Variants in DMD observed in about 807,000 individuals in gnomAD.
DMD encodes dystrophin.
Under a neutral mutation model 330.1 loss-of-function variants are expected in DMD, and 63 were observed. That is an observed-to-expected ratio of 0.19 (90% confidence interval 0.16 to 0.24). DMD has a LOEUF of 0.24. DMD is among the 10% of genes least tolerant of loss of function. DMD has a pLI of 1.00. For synonymous variants in DMD, 1,223 were observed against 959.8 expected (o/e 1.27, Z -5.07); for missense variants, 3,344 against 2,684.1 (o/e 1.25, Z -5.43).
At chrX:32,916,171 C>T (rs1477759513) in intron 2 of DMD, among the ~76,000 whole-genome samples, 1 of 111,248 alleles carries the variant, frequency 9.0e-6, no homozygotes, top group Non-Finnish European at 1.9e-5. Context: ...GGGAAACTAT[C>T]CATCAGAGTC....
intron 44 of DMD, among the ~76,000 whole-genome samples, chrX:32,012,773 G>C (rs1603620307): frequency 9.0e-6 from 1 of 111,380 alleles, no homozygotes; most frequent in South Asian, 3.8e-4. Flanking sequence ...ATTTTTGAGA[G>C]CAAAAGGAGG....
chrX:31,439,298 T>G (rs1462628904), intron 60 of DMD, among the ~76,000 whole-genome samples: 1 of 111,869 alleles, frequency 8.9e-6, no homozygotes, highest in Non-Finnish European at 1.9e-5. Flanking sequence ...AGTATGTCCT[T>G]GGACCAAACA....
intron 2 of DMD, among the ~76,000 whole-genome samples, chrX:32,884,928 TG>T (rs779943827): frequency 8.9e-6 from 1 of 111,874 alleles, no homozygotes; most frequent in South Asian, 3.7e-4. Context: ...AATTTCAGGC[TG>T]TTCTTTAGTT....
At chrX:32,823,723 A>T (rs1478513207) in intron 4 of DMD, among the ~76,000 whole-genome samples, 1 of 111,839 alleles carries the variant, frequency 8.9e-6, no homozygotes, top group Non-Finnish European at 1.9e-5. Context: ...AAAATTCACC[A>T]GTACTTCCAC....
At chrX:32,687,082 T>A (rs899161520) in intron 9 of DMD, among the ~76,000 whole-genome samples, 8 of 112,296 alleles carry the variant, frequency 7.1e-5, no homozygotes, top group African/African-American at 2.6e-4. Flanking sequence ...GAAATTTCAT[T>A]TGTGCTAGAA....
chrX:31,988,460 T>C (rs1346562096), intron 44 of DMD, among the ~76,000 whole-genome samples: 49 of 65,067 alleles, frequency 7.5e-4, no homozygotes, highest in Middle Eastern at 0.016. Context: ...GGCAACAGAG[T>C]GAGACTCCAT....
chrX:33,277,394 C>A (rs1283453251), intron 1 of DMD, among the ~76,000 whole-genome samples: 1 of 111,312 alleles, frequency 9.0e-6, no homozygotes, highest in Non-Finnish European at 1.9e-5. Flanking sequence ...TTGAATTGTA[C>A]ACTTTAAAAT....
chrX:31,408,937 C>T lies in DMD; in HGVS notation c.9084+35544G>A, dbSNP rs1602558530. Reference sequence around the variant, plus strand: ...TCTCCTAATGCTATCCCTCCCCACTCCCCCAACCCCAAAACATTCCCCGGT... The same window carrying T: ...TCTCCTAATGCTATCCCTCCCCACTTCCCCAACCCCAAAACATTCCCCGGT... On this transcript the variant is annotated intron_variant, in intron 60 of 78. Transcript: ENST00000357033. Among the ~76,000 whole-genome samples the T allele has an allele frequency of 4.5e-5, 5 of 110,737 alleles. No individual in the cohort carries two copies. In the South Asian group the frequency reaches 1.6e-3, roughly 34 times the overall value.
intron 1 of DMD, among the ~76,000 whole-genome samples, chrX:33,039,159 G>GT (rs1321332603): frequency 2.7e-5 from 3 of 111,161 alleles, no homozygotes; most frequent in African/African-American, 9.8e-5. Flanking sequence ...TTTTTAGGAA[G>GT]TATCTCAATC....
In DMD at chrX:32,171,176, TTAATA is replaced by T. The variant is rs745611513; in HGVS notation, c.6438+45735_6438+45739del. Among the ~76,000 whole-genome samples the T allele has an allele frequency of 2.9e-3, 320 of 111,840 alleles. 1 individual carries two copies. Among genetic ancestry groups the T allele is most frequent in the African/African-American group, 9.7e-3 (300 of 30,817 alleles). ...ATATTTTATTTTGTCCAGCTAATAT[TTAATA>T]TATTTTTATTTAATTAGCCATCATA... On this transcript the variant is annotated intron_variant, in intron 44 of 78. Coordinates refer to ENST00000357033, the MANE Select transcript of DMD (RefSeq NM_004006.3).
chrX:32,685,411 AT>A (rs2062784262), intron 9 of DMD, among the ~76,000 whole-genome samples: 1 of 111,939 alleles, frequency 8.9e-6, no homozygotes, highest in African/African-American at 3.2e-5. Flanking sequence ...GACACACAAT[AT>A]AGAAATTTCT....
intron 2 of DMD, among the ~76,000 whole-genome samples, chrX:32,897,042 T>A (rs762948238): frequency 1.8e-5 from 2 of 111,839 alleles, no homozygotes; most frequent in South Asian, 3.7e-4. Flanking sequence ...AGCACCTGAA[T>A]AACAGCAATT....
chrX:32,263,394 G>GT (rs749399480), intron 43 of DMD, among the ~76,000 whole-genome samples: 14 of 112,084 alleles, frequency 1.2e-4, no homozygotes, highest in Non-Finnish European at 2.1e-4. Flanking sequence ...ACAACATATT[G>GT]TTATCAATCT....
intron 17 of DMD, among the ~76,000 whole-genome samples, chrX:32,534,761 C>A (rs2148899113): frequency 9.0e-6 from 1 of 111,140 alleles, no homozygotes; most frequent in Non-Finnish European, 1.9e-5. Context: ...ATGACCTCAT[C>A]TAAATCAAAT....
At chrX:32,602,743 T>TA (rs781679326) in intron 12 of DMD, among the ~76,000 whole-genome samples, 1 of 111,445 alleles carries the variant, frequency 9.0e-6, no homozygotes, top group East Asian at 2.8e-4. Context: ...ACAGTCTCTG[T>TA]ACCTTCTATC....
At chrX:31,888,202 A>C (rs1373790228) in intron 47 of DMD, among the ~76,000 whole-genome samples, 3 of 111,633 alleles carry the variant, frequency 2.7e-5, no homozygotes, top group Non-Finnish European at 5.7e-5. Context: ...GCTTGATGTC[A>C]TGGATTCTGG....
At chrX:32,213,487 T>A (rs2097100902) in intron 44 of DMD, among the ~76,000 whole-genome samples, 1 of 111,951 alleles carries the variant, frequency 8.9e-6, no homozygotes, top group Admixed American at 9.5e-5. Context: ...TGCACGCTCA[T>A]GTGTGTGCAC....
chrX:32,450,409 C>G (rs2098325197), intron 26 of DMD, among the ~76,000 whole-genome samples: 1 of 111,028 alleles, frequency 9.0e-6, no homozygotes, highest in Admixed American at 9.5e-5. Context: ...GTTCAATATT[C>G]TAAATAAATC....
chrX:32,915,139 C>A (rs1279686822), intron 2 of DMD, among the ~76,000 whole-genome samples: 1 of 97,538 alleles, frequency 1.0e-5, no homozygotes, highest in African/African-American at 3.5e-5. Context: ...GTTTACTATC[C>A]CAAAGTTGGG....
Sources: gnomAD v4.1 joint callset for allele counts (sites outside exome capture counted in the v4.1 genomes callset) on GRCh38, gnomAD v4.1.1 for gene constraint, MANE v1.5 for transcripts, NCBI Gene and HGNC (gene_info 2026-07-23, HGNC 2026-07-21) for gene names.